Variants in ST8SIA2 observed in about 807,000 individuals in gnomAD.
ST8SIA2 encodes alpha-2,8-sialyltransferase 8B.
In ST8SIA2, 22 loss-of-function variants were observed where a neutral mutation model predicts 37.6. The observed-to-expected ratio is 0.58, with a 90% CI of 0.42 to 0.83. ST8SIA2 has a LOEUF of 0.83. ST8SIA2 is among the 40% of genes least tolerant of loss of function. The pLI is 0.00. For missense variants in ST8SIA2, 382 were observed against 484.7 expected (o/e 0.79, Z 1.99); for synonymous variants, 205 against 201.2 (o/e 1.02, Z -0.16).
intron 1 of ST8SIA2, among the ~76,000 whole-genome samples, chr15:92,419,740 T>C (rs2049617869): frequency 6.6e-6 from 1 of 152,190 alleles, no homozygotes; most frequent in Non-Finnish European, 1.5e-5. Flanking sequence ...AACTTTTCAC[T>C]AGGTCCAGTT....
intron 1 of ST8SIA2, among the ~76,000 whole-genome samples, chr15:92,395,845 T>C (rs189605963): frequency 8.3e-4 from 126 of 152,336 alleles, no homozygotes; most frequent in Admixed American, 3.1e-3. Context: ...TGTCCTGTTA[T>C]AAAAACATAA....
At chr15:92,407,009 G>GA (rs1396143223) in intron 1 of ST8SIA2, among the ~76,000 whole-genome samples, 1,157 of 105,424 alleles carry the variant, frequency 0.011, 12 homozygotes, top group African/African-American at 0.031. Flanking sequence ...AAAAAAAAAA[G>GA]AAAAGAAAAA....
chr15:92,434,354 A>T lies in ST8SIA2; in HGVS notation c.269A>T (p.Gln90Leu). Residue 90 changes from glutamine to leucine, a missense_variant, in exon 3 of 6, where the codon CAG becomes CTG. Coordinates refer to ENST00000268164, the MANE Select transcript of ST8SIA2 (RefSeq NM_006011.4). ...GCCTCGTCCAAATGGAGACATAACC[A>T]GACGCTCTCTCTGAGGATCAGGTAC... ...QPASSKWRHN[Q>L]TLSLRIRKQI... The T allele has an allele frequency of 6.2e-7, 1 of 1,614,222 alleles. No individual in the cohort carries two copies. Among genetic ancestry groups the T allele is most frequent in the Non-Finnish European group, 8.5e-7 (1 of 1,180,036 alleles).
intron 5 of ST8SIA2, among the ~76,000 whole-genome samples, chr15:92,446,200 G>A (rs2049841333): frequency 6.6e-6 from 1 of 152,180 alleles, no homozygotes; most frequent in Admixed American, 6.5e-5. Context: ...AGCTGGGGTT[G>A]ACCATGCGTC....
At chr15:92,441,963 GTGGTGGT>G (rs1452005045) in intron 4 of ST8SIA2, among the ~76,000 whole-genome samples, 5 of 152,176 alleles carry the variant, frequency 3.3e-5, no homozygotes, top group African/African-American at 1.2e-4. Context: ...ACCTGTAGGT[GTGGTGGT>G]TTCTGGAAGG....
chr15:92,404,178 G>T (rs1334532860), intron 1 of ST8SIA2, among the ~76,000 whole-genome samples: 2 of 152,220 alleles, frequency 1.3e-5, no homozygotes, highest in African/African-American at 4.8e-5. Context: ...GGACTGACAA[G>T]TTCTTGCCAG....
intron 1 of ST8SIA2, among the ~76,000 whole-genome samples, chr15:92,427,207 A>T (rs1363642918): frequency 2.0e-5 from 3 of 148,210 alleles, no homozygotes; most frequent in Non-Finnish European, 4.5e-5. Context: ...ATATATACAC[A>T]GTTTGTTTGT....
At chr15:92,439,617 G>C (rs917073593) in intron 4 of ST8SIA2, among the ~76,000 whole-genome samples, 1 of 152,168 alleles carries the variant, frequency 6.6e-6, no homozygotes, top group African/African-American at 2.4e-5. Flanking sequence ...CTAAACCTTG[G>C]GACATGGGAA....
At chr15:92,401,271 G>T (rs2049469005) in intron 1 of ST8SIA2, among the ~76,000 whole-genome samples, 1 of 152,204 alleles carries the variant, frequency 6.6e-6, no homozygotes, top group Admixed American at 6.5e-5. Context: ...CCTGTGGCCG[G>T]CCGGCTGACC....
chr15:92,394,282 G>A, intron 1 of ST8SIA2, 120 bp downstream of exon 1: 1 of 929,548 alleles, frequency 1.1e-6, no homozygotes, highest in Non-Finnish European at 1.7e-6. Flanking sequence ...CCGCTGGAGA[G>A]ATGGGGACGG....
intron 5 of ST8SIA2, among the ~76,000 whole-genome samples, chr15:92,445,511 A>G (rs1455777): frequency 0.55 from 84,138 of 152,006 alleles, 23,604 homozygotes; most frequent in South Asian, 0.64. Context: ...CTCTAACTCT[A>G]CAGAGCACAT....
At chr15:92,423,832 C>T (rs1311026916) in intron 1 of ST8SIA2, among the ~76,000 whole-genome samples, 1 of 152,216 alleles carries the variant, frequency 6.6e-6, no homozygotes, top group Admixed American at 6.5e-5. Context: ...TCAAGCATAG[C>T]AGATGGTAAA....
At chr15:92,435,944 C>A (rs528856534) in intron 3 of ST8SIA2, among the ~76,000 whole-genome samples, 2 of 152,234 alleles carry the variant, frequency 1.3e-5, no homozygotes, top group Non-Finnish European at 2.9e-5. Context: ...TTCTGAGCAC[C>A]CCCTTGCAGG....
At chr15:92,417,025 C>A (rs1596234118) in intron 1 of ST8SIA2, among the ~76,000 whole-genome samples, 1 of 152,240 alleles carries the variant, frequency 6.6e-6, no homozygotes. Context: ...CAGGCAGCAA[C>A]TGGTTTGTTC....
At chr15:92,423,520 G>A (rs892354219) in intron 1 of ST8SIA2, among the ~76,000 whole-genome samples, 1 of 152,244 alleles carries the variant, frequency 6.6e-6, no homozygotes, top group Non-Finnish European at 1.5e-5. Flanking sequence ...ATTTCTCATA[G>A]TTCCGGAGGC....
rs541085572 is a variant in ST8SIA2 at position 92,440,490 on chromosome 15, C to A, written c.548+1880C>A. On this transcript the variant is annotated intron_variant, in intron 4 of 5. Transcript: ENST00000268164. ...TCCTGGGAGTCACGTCCACACCCAT[C>A]CACACATACTTGGAAAATATGGGTC... Among the ~76,000 whole-genome samples the A allele has an allele frequency of 9.9e-5, 15 of 152,260 alleles. No individual in the cohort carries two copies. The East Asian group carries it at 2.9e-3, about 29-fold the overall frequency.
chr15:92,399,030 G>A (rs2049451919), intron 1 of ST8SIA2, among the ~76,000 whole-genome samples: 1 of 152,176 alleles, frequency 6.6e-6, no homozygotes, highest in African/African-American at 2.4e-5. Context: ...GCTAAGTTCA[G>A]TGCCATGCTG....
At chr15:92,430,479 G>A (rs557614510) in intron 2 of ST8SIA2, among the ~76,000 whole-genome samples, 74 of 152,320 alleles carry the variant, frequency 4.9e-4, no homozygotes, top group Admixed American at 3.3e-4. Flanking sequence ...TAAATGGCTC[G>A]TCCAGGAGGT....
At chr15:92,462,124 G>A (rs1412159876) in intron 5 of ST8SIA2, among the ~76,000 whole-genome samples, 2 of 152,158 alleles carry the variant, frequency 1.3e-5, no homozygotes, top group East Asian at 1.9e-4. Context: ...GGCTCCTGTC[G>A]TGCCCGGGAG....
Sources: gnomAD v4.1 joint callset for allele counts (sites outside exome capture counted in the v4.1 genomes callset) on GRCh38, gnomAD v4.1.1 for gene constraint, MANE v1.5 for transcripts, NCBI Gene and HGNC (gene_info 2026-07-23, HGNC 2026-07-21) for gene names.